Variants in STK38 observed in about 807,000 individuals in gnomAD.
STK38 encodes serine/threonine kinase 38.
STK38 carries 26 observed loss-of-function variants against 59.0 expected under a neutral mutation model. That is an observed-to-expected ratio of 0.44 (90% CI 0.32 to 0.61). The LOEUF is 0.61. Ranked by LOEUF, STK38 falls within the 20% of genes least tolerant of loss-of-function variation. The pLI is 0.04. For missense variants in STK38, 433 were observed against 566.0 expected (o/e 0.76, Z 2.38); for synonymous variants, 175 against 176.6 (o/e 0.99, Z 0.07).
chr6:36,530,505 C>T (rs1403990195), intron 2 of STK38, among the ~76,000 whole-genome samples: 1 of 150,640 alleles, frequency 6.6e-6, no homozygotes, highest in Non-Finnish European at 1.5e-5. Context: ...GCTGGGATTA[C>T]AGGTGCCCAC....
chr6:36,544,409 C>T (rs756990743), intron 1 of STK38, among the ~76,000 whole-genome samples: 2 of 151,862 alleles, frequency 1.3e-5, no homozygotes, highest in Non-Finnish European at 2.9e-5. Context: ...AGCCTGTACC[C>T]CCCCCTCCAC....
intron 2 of STK38, among the ~76,000 whole-genome samples, chr6:36,536,094 A>G (rs1439877714): frequency 2.6e-5 from 4 of 152,228 alleles, no homozygotes; most frequent in African/African-American, 9.6e-5. Flanking sequence ...AGGACAGACA[A>G]GGAAATCAAT....
At chr6:36,515,227 C>G in intron 7 of STK38, 111 bp downstream of exon 7, 2 of 1,263,560 alleles carry the variant, frequency 1.6e-6, no homozygotes, top group Non-Finnish European at 2.1e-6. Context: ...AAAATCATGA[C>G]AAGGCAGGTC....
chr6:36,524,201 G>T, intron 4 of STK38, 140 bp downstream of exon 4: 1 of 964,090 alleles, frequency 1.0e-6, no homozygotes, highest in Non-Finnish European at 1.5e-6. Flanking sequence ...GACAGACAAA[G>T]CAATTAGGAT....
chr6:36,506,684 CA>C (rs1161125947), intron 8 of STK38, 40 bp from the exon 9 acceptor site: 1 of 1,588,324 alleles, frequency 6.3e-7, no homozygotes. Flanking sequence ...AAGTTCAGAC[CA>C]AAATGTTTAC....
At chr6:36,528,575 A>G (rs1777592873) in intron 2 of STK38, among the ~76,000 whole-genome samples, 1 of 152,230 alleles carries the variant, frequency 6.6e-6, no homozygotes, top group African/African-American at 2.4e-5. Context: ...TTTGGGATAC[A>G]TGTGCATCTA....
chr6:36,536,938 A>G (rs577677089), intron 2 of STK38, among the ~76,000 whole-genome samples: 1 of 152,170 alleles, frequency 6.6e-6, no homozygotes, highest in Admixed American at 6.5e-5. Flanking sequence ...TTTCATCAAT[A>G]TTTAAAACCT....
At chr6:36,538,109 G>T (rs1163907556) in intron 2 of STK38, among the ~76,000 whole-genome samples, 1 of 151,746 alleles carries the variant, frequency 6.6e-6, no homozygotes, top group East Asian at 1.9e-4. Context: ...GACCATCCTG[G>T]CTAATACAGT....
chr6:36,514,486 T>A (rs961577927), intron 7 of STK38, among the ~76,000 whole-genome samples: 5 of 151,950 alleles, frequency 3.3e-5, no homozygotes, highest in Non-Finnish European at 7.4e-5. Context: ...GTTTTAGAGG[T>A]GAACGGGATT....
chr6:36,521,600 G>A (rs928489677), intron 5 of STK38, 134 bp downstream of exon 5: 24 of 479,718 alleles, frequency 5.0e-5, no homozygotes, highest in Non-Finnish European at 7.2e-5. Context: ...GAAAAAGGTA[G>A]TATTATATAT....
Position 36,525,654 on chromosome 6 carries a change from AAAAAC to A in STK38, c.132-17_132-13del. On this transcript the variant is annotated splice_polypyrimidine_tract_variant and intron_variant, in intron 2 of 13. Transcript: ENST00000229812. ...CTAACTTCTTTTGTCTAAAACAAAC[AAAAAC>A]AAAAGACATGAAATCACATCTGAAT... 1 of 1,610,348 alleles carries A rather than the reference AAAAAC, an allele frequency of 6.2e-7. No homozygotes were observed. The highest frequency in any genetic ancestry group is 8.5e-7 in the Non-Finnish European group (1 of 1,176,914).
intron 9 of STK38, among the ~76,000 whole-genome samples, chr6:36,502,860 T>C (rs1164632354): frequency 1.3e-5 from 2 of 152,230 alleles, no homozygotes; most frequent in Non-Finnish European, 2.9e-5. Flanking sequence ...ATTAAAATGG[T>C]ACCATTCTAT....
intron 1 of STK38, among the ~76,000 whole-genome samples, chr6:36,540,618 A>G (rs549308791): frequency 3.9e-5 from 6 of 152,176 alleles, no homozygotes; most frequent in Non-Finnish European, 7.4e-5. Context: ...TGTAAGTCAC[A>G]CAAATATATC....
Position 36,499,887 on chromosome 6 carries a change from T to C in STK38, c.938A>G (p.Tyr313Cys), listed in dbSNP as rs762696453. 25 of 1,613,942 alleles carry C rather than the reference T, an allele frequency of 1.5e-5. No homozygotes were observed. Among genetic ancestry groups the C allele is most frequent in the Non-Finnish European group, 2.0e-5 (24 of 1,179,898 alleles). Reference protein sequence around the residue: ...CDWWSLGVIMYEMLIGYPPFC... With the variant: ...CDWWSLGVIMCEMLIGYPPFC... Reference sequence around the variant, plus strand: ...ATGCAACTTACCGATGAGCATCTCATACATGATCACCCCAAGCGACCACCA... The same window carrying C: ...ATGCAACTTACCGATGAGCATCTCACACATGATCACCCCAAGCGACCACCA... The change falls in exon 10 of 14, where the codon TAT (tyrosine) becomes TGT (cysteine). Residue 313 changes from tyrosine (Y) to cysteine (C), a missense_variant. Physicochemically the swap from Tyr to Cys is radical, Grantham distance 194. Coordinates refer to ENST00000229812, the MANE Select transcript of STK38 (RefSeq NM_007271.4).
chr6:36,524,295 A>C, intron 4 of STK38, 46 bp downstream of exon 4: 1 of 1,584,416 alleles, frequency 6.3e-7, no homozygotes, highest in Non-Finnish European at 8.5e-7. Flanking sequence ...AGAAGCTTTG[A>C]AGTTTTGCAA....
Position 36,529,758 on chromosome 6 carries a change from T to C in STK38, c.132-4116A>G, listed in dbSNP as rs151026024. 7.5e-3 allele frequency among the ~76,000 whole-genome samples: 1,146 copies of C among 152,300 alleles called. 9 individuals are homozygous for C. Among genetic ancestry groups the C allele is most frequent in the Middle Eastern group, 0.014 (4 of 294 alleles). Reference sequence around the variant, plus strand: ...TGCTAAATTTTAAAAAGTCAGAATGTATAGCAATGTGCAGACACATTCATG... The same window carrying C: ...TGCTAAATTTTAAAAAGTCAGAATGCATAGCAATGTGCAGACACATTCATG... On this transcript the variant is annotated intron_variant, in intron 2 of 13. Transcript: ENST00000229812.
intron 10 of STK38, 109 bp from the exon 11 acceptor site, chr6:36,498,595 T>TC: frequency 7.6e-7 from 1 of 1,322,808 alleles, no homozygotes; most frequent in Non-Finnish European, 1.0e-6. Context: ...TTTTCTTTTT[T>TC]TTTTTTTTTT....
chr6:36,513,072 T>C (rs145440262), intron 7 of STK38, among the ~76,000 whole-genome samples: 14 of 152,196 alleles, frequency 9.2e-5, no homozygotes, highest in Non-Finnish European at 8.8e-5. Flanking sequence ...CAGGCTAAAG[T>C]GCAGTGGTAC....
intron 1 of STK38, among the ~76,000 whole-genome samples, chr6:36,546,711 C>G (rs1415006161): frequency 6.6e-6 from 1 of 152,120 alleles, no homozygotes; most frequent in Non-Finnish European, 1.5e-5. Context: ...ATCTGAAGCC[C>G]AGTATCCTAA....
Sources: gnomAD v4.1 joint callset for allele counts (sites outside exome capture counted in the v4.1 genomes callset) on GRCh38, gnomAD v4.1.1 for gene constraint, MANE v1.5 for transcripts, NCBI Gene and HGNC (gene_info 2026-07-23, HGNC 2026-07-21) for gene names.